The following SLC39A10 variants were observed in gnomAD, a reference collection of about 807,000 sequenced individuals.
SLC39A10 encodes the protein zinc transporter ZIP10.
Under a neutral mutation model 65.1 loss-of-function variants are expected in SLC39A10, and 13 were observed. The ratio of observed to expected loss-of-function variants is 0.20; its 90% CI spans 0.13 to 0.32. The LOEUF is 0.32. Ranked by LOEUF, SLC39A10 falls within the 10% of genes least tolerant of loss-of-function variation. The probability of loss-of-function intolerance (pLI) is 1.00; values close to 1 mark genes in which losing one functional copy is unlikely to be tolerated. For synonymous variants in SLC39A10, 321 were observed against 342.2 expected (o/e 0.94, Z 0.68); for missense variants, 831 against 1,018.4 (o/e 0.82, Z 2.50).
At chr2:195,718,056 A>C (rs1691881793) in intron 7 of SLC39A10, among the ~76,000 whole-genome samples, 196 bp from the exon 8 acceptor site, 1 of 152,230 alleles carries the variant, frequency 6.6e-6, no homozygotes, top group Non-Finnish European at 1.5e-5. Flanking sequence ...CTTTTATTGA[A>C]TAGCTATTTC....
chr2:195,705,055 C>T (rs1235504804), intron 3 of SLC39A10, among the ~76,000 whole-genome samples: 1 of 152,180 alleles, frequency 6.6e-6, no homozygotes, highest in Non-Finnish European at 1.5e-5. Flanking sequence ...GCCTCAGCCT[C>T]CCAAAGTGCT....
chr2:195,693,592 G>A (rs1004773502), intron 3 of SLC39A10, among the ~76,000 whole-genome samples: 3 of 152,076 alleles, frequency 2.0e-5, no homozygotes, highest in African/African-American at 7.2e-5. Context: ...GTGTGTAAAG[G>A]TGTTCATAGT....
chr2:195,661,398 A>G (rs1324122461), intron 1 of SLC39A10, among the ~76,000 whole-genome samples: 1 of 152,188 alleles, frequency 6.6e-6, no homozygotes, highest in Non-Finnish European at 1.5e-5. Context: ...ACAGTTTTAA[A>G]TAATAGTATG....
intron 2 of SLC39A10, among the ~76,000 whole-genome samples, chr2:195,614,949 G>A (rs1028330457): frequency 6.6e-6 from 1 of 152,076 alleles, no homozygotes; most frequent in African/African-American, 2.4e-5. Flanking sequence ...TACTCGAGAG[G>A]CTGAGGTGGA....
At chr2:195,725,150 T>G (rs929068471) in intron 8 of SLC39A10, among the ~76,000 whole-genome samples, 4 of 152,066 alleles carry the variant, frequency 2.6e-5, no homozygotes, top group African/African-American at 9.7e-5. Context: ...GAACTCAAAG[T>G]AGGTAATCTA....
chr2:195,669,428 C>T (rs1231483346), intron 1 of SLC39A10, among the ~76,000 whole-genome samples: 3 of 152,092 alleles, frequency 2.0e-5, no homozygotes, highest in African/African-American at 4.8e-5. Flanking sequence ...CGTTAGATAC[C>T]TTTTCTGGGT....
chr2:195,634,074 G>A (rs1369138911), intron 2 of SLC39A10, among the ~76,000 whole-genome samples: 1 of 152,228 alleles, frequency 6.6e-6, no homozygotes, highest in Non-Finnish European at 1.5e-5. Context: ...AAAAGATAGA[G>A]CAACTTTATT....
At chr2:195,675,570 T>C (rs1239333465) in intron 1 of SLC39A10, among the ~76,000 whole-genome samples, 1 of 152,206 alleles carries the variant, frequency 6.6e-6, no homozygotes, top group East Asian at 1.9e-4. Context: ...TAGCTCGTAC[T>C]ACAGGCGCCC....
intron 9 of SLC39A10, among the ~76,000 whole-genome samples, chr2:195,729,778 T>G (rs1692373515): frequency 6.6e-6 from 1 of 151,962 alleles, no homozygotes; most frequent in Admixed American, 6.6e-5. Context: ...CTGCTCTCTT[T>G]TAGGATATTT....
chr2:195,729,959 T>TA (rs1692380032), intron 9 of SLC39A10, among the ~76,000 whole-genome samples: 2 of 107,408 alleles, frequency 1.9e-5, no homozygotes, highest in Admixed American at 2.7e-4. Context: ...CCACCATGCC[T>TA]AATTTTTTTT....
At chr2:195,630,637 TGCAACAAGG>T (rs1210267103) in intron 2 of SLC39A10, among the ~76,000 whole-genome samples, 1 of 152,144 alleles carries the variant, frequency 6.6e-6, no homozygotes, top group African/African-American at 2.4e-5. Flanking sequence ...AACAAAAGAC[TGCAACAAGG>T]GCAATGGTAG....
chr2:195,630,135 A>C (rs866178529), intron 2 of SLC39A10, among the ~76,000 whole-genome samples: 2 of 88,966 alleles, frequency 2.2e-5, no homozygotes, highest in Non-Finnish European at 2.3e-5. Flanking sequence ...GTGTGTGTGT[A>C]TGGTTTGGGT....
chr2:195,721,452 C>A (rs1692034275), intron 8 of SLC39A10, among the ~76,000 whole-genome samples: 1 of 152,054 alleles, frequency 6.6e-6, no homozygotes, highest in African/African-American at 2.4e-5. Context: ...TAAGAATCTT[C>A]AACTTTATTA....
At chr2:195,703,909 C>T (rs1438908378) in intron 3 of SLC39A10, among the ~76,000 whole-genome samples, 1 of 152,174 alleles carries the variant, frequency 6.6e-6, no homozygotes, top group Non-Finnish European at 1.5e-5. Flanking sequence ...CTGCCTCGAC[C>T]TCCCAAAATG....
rs1363351698 is a variant in SLC39A10 at position 195,736,739 on chromosome 2, AAGT to A, written c.*1701_*1703del. 6.6e-6 allele frequency: 1 copy of A among 152,428 alleles called. No individual in the cohort carries two copies. The highest frequency in any genetic ancestry group is 1.5e-5 in the Non-Finnish European group (1 of 68,022). 9.4% of individuals were successfully genotyped at this position (152,428 alleles called of 1,614,324 possible). On this transcript the variant is annotated 3_prime_UTR_variant, in exon 10 of 10. Transcript: ENST00000359634. ...ACTTACTCCATGGCCTCCTTATAAT[AAGT>A]AGAAGTTTTATATATAATTAATTTT...
chr2:195,669,343 C>T (rs72913211), intron 1 of SLC39A10, among the ~76,000 whole-genome samples: 3,498 of 152,226 alleles, frequency 0.023, 61 homozygotes, highest in South Asian at 0.035. Context: ...CACAAATATG[C>T]TACTGTAGTA....
intron 2 of SLC39A10, among the ~76,000 whole-genome samples, chr2:195,646,408 G>C (rs1688916195): frequency 6.6e-6 from 1 of 152,058 alleles, no homozygotes; most frequent in Admixed American, 6.6e-5. Context: ...ATTTCCTATT[G>C]CTGCTATAAC....
chr2:195,661,697 C>A (rs182118572), intron 1 of SLC39A10, among the ~76,000 whole-genome samples: 5 of 152,060 alleles, frequency 3.3e-5, no homozygotes, highest in African/African-American at 4.8e-5. Flanking sequence ...TTGCCAGATA[C>A]AAGGAGTGGT....
chr2:195,673,153 A>G (rs1390717172), intron 1 of SLC39A10, among the ~76,000 whole-genome samples: 2 of 152,220 alleles, frequency 1.3e-5, no homozygotes, highest in African/African-American at 2.4e-5. Context: ...ATTCAGATAG[A>G]TCATAACATT....
Sources: gnomAD v4.1 joint callset for allele counts (sites outside exome capture counted in the v4.1 genomes callset) on GRCh38, gnomAD v4.1.1 for gene constraint, MANE v1.5 for transcripts, NCBI Gene and HGNC (gene_info 2026-07-23, HGNC 2026-07-21) for gene names.